The following UTS2B variants were observed in gnomAD, a reference collection of about 807,000 sequenced individuals.
UTS2B encodes the protein urotensin 2B, also known as urotensin-2B.
UTS2B carries 21 observed loss-of-function variants against 19.2 expected under a neutral mutation model. That is an observed-to-expected ratio of 1.09 (90% CI 0.78 to 1.58). UTS2B has a LOEUF of 1.58. UTS2B is among the 40% of genes most tolerant of loss of function. The pLI is 0.00. For synonymous variants in UTS2B, 57 were observed against 50.2 expected (o/e 1.14, Z -0.58); for missense variants, 138 against 130.3 (o/e 1.06, Z -0.29).
At chr3:191,324,657 C>T (rs892469484) in intron 2 of UTS2B, among the ~76,000 whole-genome samples, 1 of 152,204 alleles carries the variant, frequency 6.6e-6, no homozygotes, top group Non-Finnish European at 1.5e-5. Flanking sequence ...ATGTGGCGTC[C>T]ATTAAACCTC....
chr3:191,270,957 G>C (rs1294436803), intron 8 of UTS2B, among the ~76,000 whole-genome samples: 1 of 152,048 alleles, frequency 6.6e-6, no homozygotes, highest in African/African-American at 2.4e-5. Flanking sequence ...TGTAATCCCA[G>C]CACTTTGGGA....
At chr3:191,298,949 C>T (rs1716924383) in intron 4 of UTS2B, among the ~76,000 whole-genome samples, 1 of 152,198 alleles carries the variant, frequency 6.6e-6, no homozygotes, top group Admixed American at 6.5e-5. Context: ...CATTATGCCC[C>T]TGCTCTAGGG....
At chr3:191,336,158 G>A in the UTS2B span, among the ~76,000 whole-genome samples, 1 of 150,258 alleles carries the variant, frequency 6.7e-6, no homozygotes, top group South Asian at 2.1e-4. Flanking sequence ...ATGTATGTGT[G>A]TGTATTTGAA....
intron 3 of UTS2B, among the ~76,000 whole-genome samples, chr3:191,307,560 T>A (rs1482733234): frequency 6.6e-6 from 1 of 152,208 alleles, no homozygotes; most frequent in Non-Finnish European, 1.5e-5. Context: ...GGACTGGCTA[T>A]AAGAGATCAG....
chr3:191,341,348 C>T, the UTS2B span, among the ~76,000 whole-genome samples: 1 of 152,138 alleles, frequency 6.6e-6, no homozygotes, highest in Non-Finnish European at 1.5e-5. Flanking sequence ...ATTTAGTCCT[C>T]ACAACATTTA....
At chr3:191,283,775 ACTTT>A (rs1372797778) in intron 4 of UTS2B, among the ~76,000 whole-genome samples, 1 of 114,298 alleles carries the variant, frequency 8.7e-6, no homozygotes, top group Non-Finnish European at 2.3e-5. Flanking sequence ...TTTGTGTCTT[ACTTT>A]CTTAAGAATT....
chr3:191,322,090 T>C (rs979228497), intron 2 of UTS2B, among the ~76,000 whole-genome samples: 6 of 152,064 alleles, frequency 3.9e-5, no homozygotes, highest in African/African-American at 1.4e-4. Context: ...GTACATAACA[T>C]TCATTATGTA....
chr3:191,319,509 TA>T (rs1307061341), intron 2 of UTS2B, among the ~76,000 whole-genome samples: 1 of 152,140 alleles, frequency 6.6e-6, no homozygotes, highest in Non-Finnish European at 1.5e-5. Flanking sequence ...CTAAATATTT[TA>T]AATTACACCT....
chr3:191,287,318 C>T (rs1716571323), intron 4 of UTS2B, among the ~76,000 whole-genome samples: 1 of 152,056 alleles, frequency 6.6e-6, no homozygotes, highest in Non-Finnish European at 1.5e-5. Context: ...AGCTACAAGC[C>T]AATATCCCTA....
chr3:191,270,945 C>A (rs1019249379), intron 8 of UTS2B, among the ~76,000 whole-genome samples: 5 of 152,088 alleles, frequency 3.3e-5, no homozygotes, highest in African/African-American at 9.7e-5. Flanking sequence ...GTGGCTCATG[C>A]CTGTAATCCC....
chr3:191,268,389 T>C lies in UTS2B; in HGVS notation c.*27A>G, dbSNP rs745673432. ...TACATATATTTTCCTGATATTCTTA[T>C]CTTTTTTTGCATCCAGAGAAAAAGC... is the stretch of plus-strand genomic sequence containing the variant. On this transcript the variant is annotated 3_prime_UTR_variant, in exon 9 of 9. Coordinates refer to ENST00000340524, the MANE Select transcript of UTS2B (RefSeq NM_198152.5). 3 of 1,544,766 alleles carry C rather than the reference T, an allele frequency of 1.9e-6. No homozygotes were observed. The Admixed American group carries it at 5.2e-5, about 27-fold the overall frequency.
At chr3:191,332,580 A>T (rs144793948), upstream of UTS2B, among the ~76,000 whole-genome samples, 1 of 152,232 alleles carries the variant, frequency 6.6e-6, no homozygotes, top group Non-Finnish European at 1.5e-5. Flanking sequence ...GTAGGTCTAT[A>T]ACTGAAATGC....
chr3:191,345,686 A>G, the UTS2B span, among the ~76,000 whole-genome samples: 1 of 152,274 alleles, frequency 6.6e-6, no homozygotes, highest in Non-Finnish European at 1.5e-5. Flanking sequence ...TACTTGCCAA[A>G]CAAGTGGTTT....
At chr3:191,342,691 G>C in the UTS2B span, among the ~76,000 whole-genome samples, 1 of 152,172 alleles carries the variant, frequency 6.6e-6, no homozygotes, top group African/African-American at 2.4e-5. Context: ...CCATTTGAGG[G>C]CTTGTGTAAG....
chr3:191,318,495 A>G (rs1190327342), intron 2 of UTS2B, among the ~76,000 whole-genome samples: 1 of 152,066 alleles, frequency 6.6e-6, no homozygotes, highest in Non-Finnish European at 1.5e-5. Context: ...TTGAGACGCA[A>G]TCTCACTCTG....
At chr3:191,289,529 A>C (rs1201477587) in intron 4 of UTS2B, among the ~76,000 whole-genome samples, 1 of 152,084 alleles carries the variant, frequency 6.6e-6, no homozygotes, top group East Asian at 1.9e-4. Flanking sequence ...TATTGAATCA[A>C]GCTATGTCTA....
the UTS2B span, among the ~76,000 whole-genome samples, chr3:191,342,766 G>A: frequency 6.6e-6 from 1 of 152,122 alleles, no homozygotes; most frequent in African/African-American, 2.4e-5. Context: ...AGGGATACAT[G>A]GAATAAAAAT....
At chr3:191,324,187 T>A (rs141316526) in intron 2 of UTS2B, among the ~76,000 whole-genome samples, 1 of 152,336 alleles carries the variant, frequency 6.6e-6, no homozygotes, top group East Asian at 1.9e-4. Context: ...CTTCACCATG[T>A]GATGCTCTGT....
chr3:191,285,359 T>C (rs1716507651), intron 4 of UTS2B, among the ~76,000 whole-genome samples: 2 of 152,052 alleles, frequency 1.3e-5, no homozygotes, highest in African/African-American at 4.8e-5. Context: ...CAGGAAAATA[T>C]GGAATCAAAG....
Sources: gnomAD v4.1 joint callset for allele counts (sites outside exome capture counted in the v4.1 genomes callset) on GRCh38, gnomAD v4.1.1 for gene constraint, MANE v1.5 for transcripts, NCBI Gene and HGNC (gene_info 2026-07-23, HGNC 2026-07-21) for gene names.